The following VPS37C variants were observed in gnomAD, a reference collection of about 807,000 sequenced individuals.
The protein encoded by VPS37C is VPS37C subunit of ESCRT-I, also known as vacuolar protein sorting-associated protein 37C.
In VPS37C, 9 loss-of-function variants were observed where a neutral mutation model predicts 16.1. That is an observed-to-expected ratio of 0.56 (90% CI 0.34 to 0.97). The LOEUF is 0.97. Among genes scored for constraint, VPS37C ranks in the 50% least tolerant of loss-of-function variants. The pLI, the probability that VPS37C is intolerant of heterozygous loss-of-function variation, is 0.02. For synonymous variants in VPS37C, 207 were observed against 206.4 expected, an observed-to-expected ratio of 1.00 and a Z score of -0.02; for missense variants, 479 against 472.7, an observed-to-expected ratio of 1.01 and a Z score of -0.12.
chr11:61,148,413 T>A (rs1055473843), intron 1 of VPS37C, among the ~76,000 whole-genome samples: 7 of 152,204 alleles, frequency 4.6e-5, no homozygotes, highest in Non-Finnish European at 8.8e-5. Flanking sequence ...GGCCCCATCT[T>A]ACCCCGTATG....
At chr11:61,140,269 G>A (rs1175871235) in intron 1 of VPS37C, among the ~76,000 whole-genome samples, 1 of 152,134 alleles carries the variant, frequency 6.6e-6, no homozygotes, top group African/African-American at 2.4e-5. Context: ...CCCATTTGCA[G>A]TAGGAAGCGA....
At chr11:61,156,338 G>A (rs1291284767) in intron 1 of VPS37C, among the ~76,000 whole-genome samples, 2 of 152,208 alleles carry the variant, frequency 1.3e-5, no homozygotes, top group Non-Finnish European at 2.9e-5. Flanking sequence ...TGTAAACCCA[G>A]CACTTTGGGA....
In VPS37C at chr11:61,156,365, T is replaced by C. The variant is rs143951953; in HGVS notation, c.-7+5026A>G. Among the ~76,000 whole-genome samples, 326 of 152,202 alleles carry C rather than the reference T, an allele frequency of 2.1e-3. 2 individuals carry two copies. Among genetic ancestry groups the C allele is most frequent in the African/African-American group, 7.6e-3 (315 of 41,522 alleles). ...ACTTTGGGAGGGGTGGGTAGATAACTTAAGGTCAGGAGTTCAAGACCAGCC... is the reference window on the plus strand; with the variant it reads ...ACTTTGGGAGGGGTGGGTAGATAACCTAAGGTCAGGAGTTCAAGACCAGCC... On this transcript the variant is annotated intron_variant, in intron 1 of 4. Transcript: ENST00000301765.
chr11:61,140,532 T>C (rs1861457774), intron 1 of VPS37C, among the ~76,000 whole-genome samples: 1 of 152,216 alleles, frequency 6.6e-6, no homozygotes, highest in Admixed American at 6.5e-5. Context: ...CAAACTTCAG[T>C]GTGCACCTGA....
At chr11:61,153,569 CT>C (rs1238012334) in intron 1 of VPS37C, among the ~76,000 whole-genome samples, 2 of 152,130 alleles carry the variant, frequency 1.3e-5, no homozygotes, top group Non-Finnish European at 2.9e-5. Flanking sequence ...CCACAAAAAA[CT>C]AAAAAGCCAG....
At chr11:61,158,684 CTGTT>C (rs1378150049) in intron 1 of VPS37C, among the ~76,000 whole-genome samples, 1 of 152,210 alleles carries the variant, frequency 6.6e-6, no homozygotes, top group African/African-American at 2.4e-5. Context: ...CCTGAGCTAT[CTGTT>C]TGAGGTTCAC....
intron 4 of VPS37C, chr11:61,132,894 G>C (rs1427583150): frequency 1.9e-6 from 1 of 525,480 alleles, no homozygotes; most frequent in African/African-American, 1.9e-5. Flanking sequence ...CAGACACAGA[G>C]TGGACAGCAC....
intron 1 of VPS37C, among the ~76,000 whole-genome samples, chr11:61,153,172 G>A (rs1456783760): frequency 6.6e-6 from 1 of 152,230 alleles, no homozygotes; most frequent in Non-Finnish European, 1.5e-5. Context: ...CCCACAGGTG[G>A]AGGGAGGGAC....
chr11:61,157,248 T>C (rs1190561493), intron 1 of VPS37C, among the ~76,000 whole-genome samples: 1 of 152,266 alleles, frequency 6.6e-6, no homozygotes, highest in African/African-American at 2.4e-5. Flanking sequence ...TATTTTCGTA[T>C]ATACCCAGAA....
Position 61,131,012 on chromosome 11 carries a change from G to A in VPS37C, c.*808C>T. 1 of 308,568 alleles carries A rather than the reference G, an allele frequency of 3.2e-6. No individual in the cohort carries two copies. The highest frequency in any genetic ancestry group is 6.1e-6 in the Non-Finnish European group (1 of 163,540). 19.1% of individuals were successfully genotyped at this position (308,568 alleles called of 1,614,324 possible). ...CCAGAGGAGAGAAGGGAGGGTGGCTGGGGAGGTGACCTGGCCCTCCAATCC... is the reference window on the plus strand; with the variant it reads ...CCAGAGGAGAGAAGGGAGGGTGGCTAGGGAGGTGACCTGGCCCTCCAATCC... On this transcript the variant is annotated 3_prime_UTR_variant, in exon 5 of 5. Coordinates refer to ENST00000301765, the MANE Select transcript of VPS37C (RefSeq NM_017966.5).
chr11:61,135,243 G>A (rs993478564), intron 2 of VPS37C, among the ~76,000 whole-genome samples: 7 of 152,216 alleles, frequency 4.6e-5, no homozygotes, highest in South Asian at 2.1e-4. Flanking sequence ...AGGCGGCCTC[G>A]GGGAAAGGCT....
At chr11:61,135,032 G>A (rs1861341507) in intron 2 of VPS37C, among the ~76,000 whole-genome samples, 1 of 152,222 alleles carries the variant, frequency 6.6e-6, no homozygotes, top group Non-Finnish European at 1.5e-5. Flanking sequence ...ACAGTACACT[G>A]TCAGCAGCAT....
rs200766323 is a variant in VPS37C, at chr11:61,133,270, G to C, written c.333C>G (p.Ile111Met). ...GCCCTCTCACCTCGGACTCTTCTTC[G>C]ATCTTCATGCCTTCCACCTGCAGAA... ...LDLLQVEGMK[I>M]EEESEAMAEK... Residue 111 changes from isoleucine (I) to methionine (M), a missense_variant, in exon 4 of 5, where the codon ATC (isoleucine) becomes ATG (methionine). Physicochemically the swap from Ile to Met is conservative, Grantham distance 10 (BLOSUM62 1). Transcript: ENST00000301765. The C allele has an allele frequency of 6.8e-6, 11 of 1,614,110 alleles. No homozygotes were observed. The Admixed American group carries it at 1.7e-4, about 24-fold the overall frequency.
At chr11:61,145,336 C>G (rs1441403038) in intron 1 of VPS37C, 1 of 152,258 alleles carries the variant, frequency 6.6e-6, no homozygotes, top group Non-Finnish European at 1.5e-5. Context: ...CCATAAGGCC[C>G]GAGATCCAGA....
intron 1 of VPS37C, among the ~76,000 whole-genome samples, chr11:61,153,529 G>C (rs1700622785): frequency 6.6e-6 from 1 of 152,172 alleles, no homozygotes; most frequent in African/African-American, 2.4e-5. Flanking sequence ...TGGCTAATGT[G>C]GAGGGAGAGG....
intron 1 of VPS37C, among the ~76,000 whole-genome samples, chr11:61,160,714 C>A (rs570526354): frequency 6.6e-6 from 1 of 152,178 alleles, no homozygotes; most frequent in Non-Finnish European, 1.5e-5. Flanking sequence ...TTCTCCCATC[C>A]GTAAAGTGGG....
chr11:61,146,793 C>G (rs1459865482), intron 1 of VPS37C, among the ~76,000 whole-genome samples: 1 of 152,200 alleles, frequency 6.6e-6, no homozygotes, highest in Non-Finnish European at 1.5e-5. Flanking sequence ...GAAGGAAGAA[C>G]ACTTGCTTTT....
intron 1 of VPS37C, among the ~76,000 whole-genome samples, chr11:61,148,965 C>G (rs1255219746): frequency 6.6e-6 from 1 of 152,194 alleles, no homozygotes; most frequent in Non-Finnish European, 1.5e-5. Context: ...TCCTCCCACC[C>G]ACCAGGGATA....
chr11:61,147,428 A>C (rs1853228526), intron 1 of VPS37C, among the ~76,000 whole-genome samples: 1 of 152,160 alleles, frequency 6.6e-6, no homozygotes, highest in African/African-American at 2.4e-5. Flanking sequence ...TCTTGAGCAC[A>C]GGGTACACGA....
Sources: gnomAD v4.1 joint callset for allele counts (sites outside exome capture counted in the v4.1 genomes callset) on GRCh38, gnomAD v4.1.1 for gene constraint, MANE v1.5 for transcripts, NCBI Gene and HGNC (gene_info 2026-07-23, HGNC 2026-07-21) for gene names.